Variants in RILPL2 observed in about 807,000 individuals in gnomAD.
The protein encoded by RILPL2 is Rab interacting lysosomal protein like 2.
Under a neutral mutation model 22.2 loss-of-function variants are expected in RILPL2, and 19 were observed. The ratio of observed to expected loss-of-function variants is 0.86; its 90% CI spans 0.60 to 1.25. The LOEUF (loss-of-function observed/expected upper bound fraction) is 1.25, where lower values mean the gene tolerates loss of function less well. Among genes scored for constraint, RILPL2 ranks in the 50% most tolerant of loss-of-function variants. The pLI, the probability that RILPL2 is intolerant of heterozygous loss-of-function variation, is 0.00. For synonymous variants in RILPL2, 123 were observed against 111.6 expected (o/e 1.10, Z -0.64); for missense variants, 243 against 263.6 (o/e 0.92, Z 0.54).
intron 3 of RILPL2, among the ~76,000 whole-genome samples, chr12:123,421,438 A>T (rs544606044): frequency 6.6e-6 from 1 of 152,190 alleles, no homozygotes; most frequent in Admixed American, 6.6e-5. Flanking sequence ...TAATATTGGG[A>T]AGAAAACTGC....
intron 1 of RILPL2, among the ~76,000 whole-genome samples, chr12:123,431,115 T>C (rs1450424015): frequency 1.3e-5 from 2 of 152,146 alleles, no homozygotes; most frequent in African/African-American, 4.8e-5. Context: ...CCACAGCAGC[T>C]CTATTTACAG....
chr12:123,416,038 G>C (rs1879107859), intron 3 of RILPL2, 117 bp from the exon 4 acceptor site: 1 of 1,016,636 alleles, frequency 9.8e-7, no homozygotes, highest in Admixed American at 1.7e-5. Flanking sequence ...ATATGTCCAG[G>C]CCAGGCATTG....
At chr12:123,418,008 A>T (rs925991132) in intron 3 of RILPL2, among the ~76,000 whole-genome samples, 5 of 152,090 alleles carry the variant, frequency 3.3e-5, no homozygotes, top group Non-Finnish European at 7.4e-5. Flanking sequence ...TAGTGGTGTG[A>T]CCATGGCCTA....
rs374906291 is a variant in RILPL2, at chr12:123,423,019, C to T, written c.605+25G>A. ...TCCTTGAGTTATTATTTGGCGGGAC[C>T]GGGGGGCAGCAAGGTGACACTTACA... On this transcript the variant is annotated intron_variant, in intron 3 of 3. Transcript: ENST00000280571. The T allele has an allele frequency of 2.9e-4, 446 of 1,521,026 alleles. 2 individuals are homozygous for T. Among genetic ancestry groups the T allele is most frequent in the Middle Eastern group, 1.7e-4 (1 of 5,904 alleles). The allele number at this position is 1,521,026 out of a possible 1,614,324, so 94.2% of individuals were successfully genotyped here.
intron 1 of RILPL2, 89 bp downstream of exon 1, chr12:123,435,993 A>G: frequency 4.8e-6 from 7 of 1,458,540 alleles, no homozygotes; most frequent in Non-Finnish European, 6.3e-6. Flanking sequence ...AAGAGAAGAG[A>G]AAAGAAAAGG....
At chr12:123,435,061 TC>T (rs1422455193) in intron 1 of RILPL2, among the ~76,000 whole-genome samples, 2 of 151,208 alleles carry the variant, frequency 1.3e-5, no homozygotes, top group Non-Finnish European at 2.9e-5. Context: ...ACGCTTGCAA[TC>T]CCAGCTGCTC....
At chr12:123,432,797 C>T (rs1213865734) in intron 1 of RILPL2, among the ~76,000 whole-genome samples, 1 of 152,158 alleles carries the variant, frequency 6.6e-6, no homozygotes, top group Non-Finnish European at 1.5e-5. Flanking sequence ...GCTGAGCAAT[C>T]CCCCGCAAGT....
chr12:123,417,234 G>T (rs1879142907), intron 3 of RILPL2, among the ~76,000 whole-genome samples: 1 of 151,666 alleles, frequency 6.6e-6, no homozygotes. Context: ...GGGAGGCGGA[G>T]GTTGCAGTGA....
At position 123,436,363 on chromosome 12, in the gene RILPL2, T is replaced by C. The variant is rs772805125; in HGVS notation, c.58A>G (p.Arg20Gly). Residue 20 changes from arginine to glycine, a missense_variant, in exon 1 of 4, where the codon AGG becomes GGG. Coordinates refer to ENST00000280571, the MANE Select transcript of RILPL2 (RefSeq NM_145058.3). The surrounding 1 kb of genome is among the most constrained non-coding windows in gnomAD (Gnocchi z 6.7). ...EEEEGEEDEE[R>G]DEVGPEGALG... The stretch of plus-strand genomic sequence containing the variant: ...GCCCCCTCGGGCCCAACCTCGTCCC[T>C]CTCCTCGTCCTCCTCTCCCTCCTCC... 8 of 1,555,292 alleles carry C rather than the reference T, an allele frequency of 5.1e-6. No homozygotes were observed. In the Admixed American group the frequency reaches 1.2e-4, roughly 23 times the overall value.
Position 123,415,418 on chromosome 12 carries a change from C to CA in RILPL2, c.*472dup, listed in dbSNP as rs879102145. On this transcript the variant is annotated 3_prime_UTR_variant, in exon 4 of 4. Coordinates refer to ENST00000280571, the MANE Select transcript of RILPL2 (RefSeq NM_145058.3). The stretch of plus-strand genomic sequence containing the variant: ...GTATAAAAATCATTTTACTTTAATA[C>CA]AAAATCACATAAAGAAAGGCATGTT... The CA allele has an allele frequency of 1.8e-5, 3 of 169,636 alleles. No homozygotes were observed. In the South Asian group the frequency reaches 4.5e-4, roughly 26 times the overall value. 10.5% of individuals were successfully genotyped at this position (169,636 alleles called of 1,614,324 possible). A position where few individuals can be genotyped will look rare whatever the true frequency, so the allele number is the denominator to read the frequency against.
In RILPL2 at chr12:123,430,225, C is replaced by A. The variant is rs549798199; in HGVS notation, c.491+283G>T. Among the ~76,000 whole-genome samples, 20 of 148,680 alleles carry A rather than the reference C, an allele frequency of 1.3e-4. No individual in the cohort carries two copies. In the South Asian group the frequency reaches 1.7e-3, roughly 13 times the overall value. On this transcript the variant is annotated intron_variant, in intron 2 of 3. Transcript: ENST00000280571. Reference sequence around the variant, plus strand: ...GAGATCGAGACCATTCTGCCTAACACGGTGAAACTCCGTTTCTACTAAAAA... The same window carrying A: ...GAGATCGAGACCATTCTGCCTAACAAGGTGAAACTCCGTTTCTACTAAAAA...
At chr12:123,432,855 C>A (rs893007554) in intron 1 of RILPL2, among the ~76,000 whole-genome samples, 1 of 152,170 alleles carries the variant, frequency 6.6e-6, no homozygotes, top group Non-Finnish European at 1.5e-5. Flanking sequence ...AGTCATCACA[C>A]TTAACCATGT....
chr12:123,419,148 A>C lies in RILPL2; in HGVS notation c.606-3227T>G, dbSNP rs967322218. Among the ~76,000 whole-genome samples, 9 of 151,112 alleles carry C rather than the reference A, an allele frequency of 6.0e-5. No homozygotes were observed. In the Admixed American group the frequency reaches 6.0e-4, roughly 10 times the overall value. On this transcript the variant is annotated intron_variant, in intron 3 of 3. Coordinates refer to ENST00000280571, the MANE Select transcript of RILPL2 (RefSeq NM_145058.3). ...GCCTCAGCCTCCCGAGTAGCTGGGA[A>C]TACAGGCGCCCACTACCATGCCCGG...
chr12:123,418,633 C>G (rs547513789), intron 3 of RILPL2, among the ~76,000 whole-genome samples: 93 of 152,076 alleles, frequency 6.1e-4, no homozygotes, highest in Non-Finnish European at 9.0e-4. Context: ...CTGCAGCCTA[C>G]TGTCCTGACA....
At chr12:123,420,709 T>G (rs999939208) in intron 3 of RILPL2, among the ~76,000 whole-genome samples, 3 of 152,116 alleles carry the variant, frequency 2.0e-5, no homozygotes, top group Admixed American at 2.0e-4. Context: ...AGTGCTGGGT[T>G]TACAGGCGTC....
intron 1 of RILPL2, 134 bp downstream of exon 1, chr12:123,435,948 C>A: frequency 3.1e-6 from 4 of 1,289,180 alleles, no homozygotes; most frequent in Non-Finnish European, 4.1e-6. Flanking sequence ...GGCAACACAG[C>A]GAGATCCCAT....
chr12:123,427,423 A>G (rs754285767), intron 2 of RILPL2, among the ~76,000 whole-genome samples: 14 of 152,146 alleles, frequency 9.2e-5, no homozygotes, highest in Non-Finnish European at 1.9e-4. Flanking sequence ...ATGCAAAGAG[A>G]GGGAAAACAG....
At chr12:123,421,473 C>A (rs1386238924) in intron 3 of RILPL2, among the ~76,000 whole-genome samples, 2 of 152,064 alleles carry the variant, frequency 1.3e-5, no homozygotes, top group South Asian at 4.1e-4. Flanking sequence ...CCATACTGAG[C>A]TCACATGAAC....
chr12:123,424,245 A>T (rs1157220545), intron 2 of RILPL2, among the ~76,000 whole-genome samples: 1 of 152,172 alleles, frequency 6.6e-6, no homozygotes, highest in Non-Finnish European at 1.5e-5. Flanking sequence ...CACGTAATTT[A>T]TATTCCAGTA....
Sources: gnomAD v4.1 joint callset for allele counts (sites outside exome capture counted in the v4.1 genomes callset) on GRCh38, gnomAD v4.1.1 for gene constraint, Gnocchi (gnomAD v3.1) non-coding constraint, MANE v1.5 for transcripts, NCBI Gene and HGNC (gene_info 2026-07-23, HGNC 2026-07-21) for gene names.